Variants in GPM6A observed in about 807,000 individuals in gnomAD.
GPM6A encodes neuronal membrane glycoprotein M6-a.
A neutral mutation model predicts 32.1 loss-of-function variants in GPM6A; 7 were observed. The ratio of observed to expected loss-of-function variants is 0.22; its 90% CI spans 0.12 to 0.41. The LOEUF (loss-of-function observed/expected upper bound fraction) is 0.41, where lower values mean the gene tolerates loss of function less well. GPM6A is among the 10% of genes least tolerant of loss of function. The pLI is 1.00. For synonymous variants in GPM6A, 130 were observed against 123.4 expected, an observed-to-expected ratio of 1.05 and a Z score of -0.35; for missense variants, 235 against 347.2, an observed-to-expected ratio of 0.68 and a Z score of 2.57.
intron 1 of GPM6A, among the ~76,000 whole-genome samples, chr4:175,853,861 C>G (rs770694249): frequency 3.9e-5 from 6 of 152,166 alleles, no homozygotes; most frequent in Non-Finnish European, 7.4e-5. Flanking sequence ...ACACTCTTAA[C>G]TATTTCACTA....
At chr4:175,690,798 A>G (rs1269152564) in intron 2 of GPM6A, among the ~76,000 whole-genome samples, 1 of 152,224 alleles carries the variant, frequency 6.6e-6, no homozygotes, top group East Asian at 1.9e-4. Flanking sequence ...CTGTTTTGCC[A>G]TAAAAGGTAA....
rs80195421 is a variant in GPM6A, at chr4:175,970,671, G to A, written c.-23+31638C>T. ...CTTAACACAGTCACGAGTGAAAAAA[G>A]GAAAAGGGAGAAGGGAATTGAAGCA... On this transcript the variant is annotated intron_variant, in intron 1 of 7. Coordinates refer to the GPM6A transcript ENST00000280187. 5.3e-3 allele frequency among the ~76,000 whole-genome samples: 808 copies of A among 152,208 alleles called. 11 individuals carry two copies. Among genetic ancestry groups the A allele is most frequent in the African/African-American group, 0.019 (773 of 41,538 alleles).
intron 1 of GPM6A, chr4:175,808,691 G>A (rs1734795673): frequency 6.6e-6 from 1 of 152,148 alleles, no homozygotes; most frequent in Non-Finnish European, 1.5e-5. Context: ...CTTTGGTGTT[G>A]GAAAAGTCAG....
At position 175,830,208 on chromosome 4, in the gene GPM6A, G is replaced by A. The variant is rs570685394; in HGVS notation, c.-22-17959C>T. On this transcript the variant is annotated intron_variant, in intron 1 of 7. Transcript: ENST00000280187. ...GTTGAGCTGGTCATGTGAGTTTGGG[G>A]CCCATGAGCTAGCAGTGATGAAAAT... Among the ~76,000 whole-genome samples, 3 of 152,222 alleles carry A rather than the reference G, an allele frequency of 2.0e-5. No individual in the cohort carries two copies. In the South Asian group the frequency reaches 6.2e-4, roughly 32 times the overall value.
chr4:175,885,525 GGAGGCTGAGGTGGGCAGATGGCTT>G (rs543239309), intron 1 of GPM6A, among the ~76,000 whole-genome samples: 35 of 152,224 alleles, frequency 2.3e-4, no homozygotes, highest in African/African-American at 8.2e-4. Flanking sequence ...CAGTTACTTG[GGAGGCTGAGGTGGGCAGATGGCTT>G]GAGCCTGAGA....
At chr4:175,954,033 T>C (rs1739904094) in intron 1 of GPM6A, among the ~76,000 whole-genome samples, 1 of 152,232 alleles carries the variant, frequency 6.6e-6, no homozygotes, top group Non-Finnish European at 1.5e-5. Flanking sequence ...CACTGGGTGA[T>C]AGAAATTTGT....
intron 1 of GPM6A, among the ~76,000 whole-genome samples, chr4:175,777,723 T>G (rs1377891611): frequency 6.6e-6 from 1 of 152,060 alleles, no homozygotes; most frequent in Admixed American, 6.6e-5. Flanking sequence ...TAAATGAATT[T>G]GAGAAACTAT....
intron 1 of GPM6A, among the ~76,000 whole-genome samples, chr4:175,754,973 A>G (rs944428562): frequency 6.6e-6 from 1 of 151,930 alleles, no homozygotes; most frequent in African/African-American, 2.4e-5. Flanking sequence ...CCCCCACAAC[A>G]CACACGCACA....
intron 1 of GPM6A, among the ~76,000 whole-genome samples, chr4:175,717,265 T>C (rs1342634696): frequency 1.3e-5 from 2 of 152,194 alleles, no homozygotes; most frequent in Non-Finnish European, 2.9e-5. Context: ...TGCTTACAGC[T>C]TAAATATCTC....
intron 4 of GPM6A, among the ~76,000 whole-genome samples, chr4:175,650,376 C>T (rs1741730787): frequency 6.6e-6 from 1 of 151,938 alleles, no homozygotes; most frequent in Non-Finnish European, 1.5e-5. Context: ...ACCATCTCAG[C>T]TCACTACAAC....
At position 175,910,775 on chromosome 4, in the gene GPM6A, A is replaced by G. The variant is rs570398319; in HGVS notation, c.-23+91534T>C. On this transcript the variant is annotated intron_variant, in intron 1 of 7. Transcript: ENST00000280187. ...CTACCTCTCTAAACCGGAGTTCAAC[A>G]ACTTTTTCTGTACAAGGCCAGATAA... Among the ~76,000 whole-genome samples, 3 of 152,286 alleles carry G rather than the reference A, an allele frequency of 2.0e-5. No homozygotes were observed. The South Asian group carries it at 6.2e-4, about 32-fold the overall frequency.
At chr4:175,677,708 A>C (rs1222195574) in intron 2 of GPM6A, among the ~76,000 whole-genome samples, 1 of 152,148 alleles carries the variant, frequency 6.6e-6, no homozygotes, top group Non-Finnish European at 1.5e-5. Context: ...TTCTGATGTA[A>C]TTAAACAAAA....
intron 1 of GPM6A, among the ~76,000 whole-genome samples, chr4:175,757,057 G>A (rs765080524): frequency 6.6e-5 from 10 of 152,052 alleles, no homozygotes; most frequent in African/African-American, 1.7e-4. Context: ...GGGTATTCAT[G>A]CCCTTAGATA....
intron 1 of GPM6A, among the ~76,000 whole-genome samples, chr4:175,948,328 C>G (rs1427718697): frequency 6.6e-6 from 1 of 152,152 alleles, no homozygotes; most frequent in Non-Finnish European, 1.5e-5. Flanking sequence ...TAAGAAAAGA[C>G]ATGAGAGAAA....
intron 1 of GPM6A, among the ~76,000 whole-genome samples, chr4:175,984,784 G>A (rs1322003647): frequency 6.6e-6 from 1 of 151,970 alleles, no homozygotes; most frequent in Non-Finnish European, 1.5e-5. Context: ...TCATGTGTAG[G>A]GTAAGATAGG....
intron 1 of GPM6A, among the ~76,000 whole-genome samples, chr4:175,872,396 C>T (rs1162698758): frequency 6.6e-6 from 1 of 152,196 alleles, no homozygotes; most frequent in Non-Finnish European, 1.5e-5. Flanking sequence ...GTCTTTCTGT[C>T]TGAGGCATCA....
At chr4:175,767,872 T>A (rs898677283) in intron 1 of GPM6A, among the ~76,000 whole-genome samples, 3 of 152,234 alleles carry the variant, frequency 2.0e-5, no homozygotes, top group Non-Finnish European at 4.4e-5. Context: ...TGGGAGAAAC[T>A]ATAAATTCTT....
chr4:175,757,838 C>T (rs1041941648), intron 1 of GPM6A, among the ~76,000 whole-genome samples: 2 of 152,048 alleles, frequency 1.3e-5, no homozygotes, highest in African/African-American at 4.8e-5. Flanking sequence ...AACAAAGAAC[C>T]ATTCATAGAA....
At chr4:175,873,332 A>G (rs1011533885) in intron 1 of GPM6A, among the ~76,000 whole-genome samples, 1 of 152,080 alleles carries the variant, frequency 6.6e-6, no homozygotes, top group Non-Finnish European at 1.5e-5. Context: ...AAAAAAAAAC[A>G]CTGTAAACAT....
Sources: gnomAD v4.1 joint callset for allele counts (sites outside exome capture counted in the v4.1 genomes callset) on GRCh38, gnomAD v4.1.1 for gene constraint, MANE v1.5 for transcripts, NCBI Gene and HGNC (gene_info 2026-07-23, HGNC 2026-07-21) for gene names.